The following SGMS1 variants were observed in gnomAD, a reference collection of about 807,000 sequenced individuals.
SGMS1 encodes sphingomyelin synthase 1.
Under a neutral mutation model 46.2 loss-of-function variants are expected in SGMS1, and 13 were observed. The observed-to-expected ratio is 0.28, with a 90% confidence interval of 0.18 to 0.45. The LOEUF (loss-of-function observed/expected upper bound fraction) is 0.45, where lower values mean the gene tolerates loss of function less well. Among genes scored for constraint, SGMS1 ranks in the 20% least tolerant of loss-of-function variants. The pLI, the probability that SGMS1 is intolerant of heterozygous loss-of-function variation, is 1.00. For synonymous variants in SGMS1, 203 were observed against 187.8 expected (o/e 1.08, Z -0.66); for missense variants, 324 against 519.9 (o/e 0.62, Z 3.66).
At chr10:50,356,716 T>TA (rs1293080210) in intron 6 of SGMS1, among the ~76,000 whole-genome samples, 5 of 151,026 alleles carry the variant, frequency 3.3e-5, no homozygotes, top group Non-Finnish European at 7.4e-5. Context: ...CTTAAAAAAA[T>TA]AAAAAAATAA....
chr10:50,605,388 G>T (rs548626635), intron 1 of SGMS1, among the ~76,000 whole-genome samples: 1 of 152,320 alleles, frequency 6.6e-6, no homozygotes, highest in East Asian at 1.9e-4. Context: ...AATCATATCT[G>T]CATATCCAGT....
intron 8 of SGMS1, among the ~76,000 whole-genome samples, chr10:50,315,584 A>C (rs899963907): frequency 6.6e-6 from 1 of 152,230 alleles, no homozygotes; most frequent in African/African-American, 2.4e-5. Flanking sequence ...TGATTCCTCA[A>C]ATAGCTGATC....
intron 8 of SGMS1, among the ~76,000 whole-genome samples, chr10:50,318,848 A>G (rs1347692099): frequency 6.6e-6 from 1 of 152,158 alleles, no homozygotes; most frequent in African/African-American, 2.4e-5. Context: ...TACTAGGCAG[A>G]CTTGTTTTAG....
intron 2 of SGMS1, among the ~76,000 whole-genome samples, chr10:50,587,633 A>ATATGTGTGTGTGTG (rs760688384): frequency 3.8e-4 from 52 of 138,264 alleles, no homozygotes; most frequent in Non-Finnish European, 6.2e-4. Context: ...CAAAATATAT[A>ATATGTGTGTGTGTG]TGTGTGTGTG....
chr10:50,430,470 C>CAAA (rs10625082), intron 6 of SGMS1, among the ~76,000 whole-genome samples: 62,944 of 135,874 alleles, frequency 0.46, 14,784 homozygotes, highest in East Asian at 0.81. Flanking sequence ...TGGCAGAATA[C>CAAA]AAAAAAAAAA....
chr10:50,561,392 T>C (rs1838235152), intron 2 of SGMS1, among the ~76,000 whole-genome samples: 1 of 152,348 alleles, frequency 6.6e-6, no homozygotes, highest in East Asian at 1.9e-4. Flanking sequence ...ACAGTCCATC[T>C]GGGTCCAGAG....
chr10:50,526,726 A>G (rs918606118), intron 2 of SGMS1, among the ~76,000 whole-genome samples: 5 of 152,148 alleles, frequency 3.3e-5, no homozygotes, highest in African/African-American at 9.7e-5. Context: ...TGTTAAAGGC[A>G]AGAGAGGGTG....
rs1847195364 is a variant in SGMS1, at chr10:50,307,516, A to T, written c.1063-195T>A. Among the ~76,000 whole-genome samples the T allele has an allele frequency of 6.6e-6, 1 of 152,162 alleles. No individual in the cohort carries two copies. Among genetic ancestry groups the T allele is most frequent in the Non-Finnish European group, 1.5e-5 (1 of 68,038 alleles). On this transcript the variant is annotated intron_variant, in intron 10 of 10. Coordinates refer to ENST00000361781, the MANE Select transcript of SGMS1 (RefSeq NM_147156.4). The surrounding 1 kb of genome is among the most constrained non-coding windows in gnomAD (Gnocchi z 4.2). Reference sequence around the variant, plus strand: ...TGAGCCACATCCCAGTAGAAAAACAACGCCAATTCTGGGAGGGCAAGGAGA... The same window carrying T: ...TGAGCCACATCCCAGTAGAAAAACATCGCCAATTCTGGGAGGGCAAGGAGA...
intron 3 of SGMS1, among the ~76,000 whole-genome samples, chr10:50,506,936 C>T (rs1232108001): frequency 6.6e-6 from 1 of 152,198 alleles, no homozygotes; most frequent in East Asian, 1.9e-4. Flanking sequence ...GGAAGCAATA[C>T]TGTCGGGCCC....
At chr10:50,434,150 T>C (rs562289671) in intron 5 of SGMS1, among the ~76,000 whole-genome samples, 2 of 152,246 alleles carry the variant, frequency 1.3e-5, no homozygotes, top group African/African-American at 4.8e-5. Flanking sequence ...TAATAAAATA[T>C]GGCCAGCAAA....
intron 7 of SGMS1, among the ~76,000 whole-genome samples, chr10:50,332,065 T>A (rs1311593638): frequency 6.6e-6 from 1 of 152,184 alleles, no homozygotes; most frequent in Non-Finnish European, 1.5e-5. Context: ...AACAGGTATG[T>A]CCCTTAAAGC....
At chr10:50,585,638 A>G (rs1838476462) in intron 2 of SGMS1, among the ~76,000 whole-genome samples, 1 of 152,202 alleles carries the variant, frequency 6.6e-6, no homozygotes, top group Admixed American at 6.5e-5. Flanking sequence ...ATGCCCCTAC[A>G]CCACGATGTC....
intron 2 of SGMS1, among the ~76,000 whole-genome samples, chr10:50,570,639 AAAAAAAG>A (rs1258093312): frequency 6.6e-6 from 1 of 152,152 alleles, no homozygotes; most frequent in Non-Finnish European, 1.5e-5. Context: ...TCTGCTATTT[AAAAAAAG>A]GGTAGAGCCA....
intron 3 of SGMS1, among the ~76,000 whole-genome samples, chr10:50,475,429 C>A (rs1837412267): frequency 6.6e-6 from 1 of 152,110 alleles, no homozygotes; most frequent in African/African-American, 2.4e-5. Flanking sequence ...TTTAACTTTT[C>A]AAAAATTACT....
intron 8 of SGMS1, among the ~76,000 whole-genome samples, chr10:50,312,088 T>C (rs1021713932): frequency 1.3e-5 from 2 of 152,326 alleles, no homozygotes; most frequent in African/African-American, 2.4e-5. Flanking sequence ...ATTTGCTCGG[T>C]CAAGTAAAAT....
chr10:50,398,899 G>T (rs973753710), intron 6 of SGMS1, among the ~76,000 whole-genome samples: 3 of 152,124 alleles, frequency 2.0e-5, no homozygotes, highest in Admixed American at 1.3e-4. Context: ...AGTAAGAAAA[G>T]AAATACTACT....
chr10:50,324,383 T>C (rs994244953), intron 8 of SGMS1, among the ~76,000 whole-genome samples: 1 of 152,244 alleles, frequency 6.6e-6, no homozygotes, highest in African/African-American at 2.4e-5. Context: ...GAAGATTCAG[T>C]GGCGATGATG....
chr10:50,562,410 G>A (rs764933987), intron 2 of SGMS1, among the ~76,000 whole-genome samples: 1 of 151,106 alleles, frequency 6.6e-6, no homozygotes, highest in Non-Finnish European at 1.5e-5. Flanking sequence ...ACTCTTACAC[G>A]CACCCACTAC....
chr10:50,492,445 T>C (rs1273068366), intron 3 of SGMS1, among the ~76,000 whole-genome samples: 2 of 152,170 alleles, frequency 1.3e-5, no homozygotes, highest in African/African-American at 4.8e-5. Context: ...GATAAACAAC[T>C]TCAGCAAAGT....
Sources: allele counts gnomAD v4.1 joint callset (sites outside exome capture counted in the v4.1 genomes callset), GRCh38; gene constraint gnomAD v4.1.1; non-coding constraint Gnocchi (gnomAD v3.1); transcripts MANE v1.5; gene names NCBI Gene and HGNC (gene_info 2026-07-23, HGNC 2026-07-21).